The following PATJ variants were observed in gnomAD, a reference collection of about 807,000 sequenced individuals.
The protein encoded by PATJ is inaD-like protein.
In PATJ, 190 loss-of-function variants were observed where a neutral mutation model predicts 224.9. That is an observed-to-expected ratio of 0.84 (90% CI 0.75 to 0.95). PATJ has a LOEUF of 0.95. PATJ is among the 40% of genes least tolerant of loss of function. The pLI is 0.00. For synonymous variants in PATJ, 769 were observed against 820.3 expected, an observed-to-expected ratio of 0.94 and a Z score of 1.07; for missense variants, 2,121 against 2,270.3, an observed-to-expected ratio of 0.93 and a Z score of 1.34.
rs1660069222 is a variant in PATJ, at chr1:62,086,937, G to C, written c.4377+2289G>C. ...CCTGCGACCCCTGAAGCCCCAGAGA[G>C]TGTGTTACAATGCTAACCTCCGTCG... On this transcript the variant is annotated intron_variant, in intron 33 of 43. Coordinates refer to ENST00000642238, the MANE Select transcript of PATJ (RefSeq NM_001350145.3). The surrounding 1 kb of genome is among the most constrained non-coding windows in gnomAD (Gnocchi z 4.0). 6.6e-6 allele frequency among the ~76,000 whole-genome samples: 1 copy of C among 152,176 alleles called. No homozygotes were observed. The highest frequency in any genetic ancestry group is 6.5e-5 in the Admixed American group (1 of 15,276).
intron 29 of PATJ, among the ~76,000 whole-genome samples, chr1:62,028,148 A>G (rs2183996): frequency 0.62 from 93,843 of 152,024 alleles, 29,864 homozygotes; most frequent in African/African-American, 0.77. Flanking sequence ...TTCATTTTGA[A>G]TTTATTTTCA....
Position 61,856,628 on chromosome 1 carries a change from A to T in PATJ, c.2322+389A>T, listed in dbSNP as rs531032627. Reference sequence around the variant, plus strand: ...TTTATAGACAGAGTCTCTCTCTGTCATCCAGGCTGGAGTGCAGTGGCACGA... The same window carrying T: ...TTTATAGACAGAGTCTCTCTCTGTCTTCCAGGCTGGAGTGCAGTGGCACGA... On this transcript the variant is annotated intron_variant, in intron 18 of 43. Coordinates refer to ENST00000642238, the MANE Select transcript of PATJ (RefSeq NM_001350145.3). 2.6e-5 allele frequency among the ~76,000 whole-genome samples: 4 copies of T among 152,318 alleles called. No homozygotes were observed. The East Asian group carries it at 7.7e-4, about 29-fold the overall frequency.
At chr1:61,771,115 C>A (rs748365709) in intron 5 of PATJ, among the ~76,000 whole-genome samples, 48 of 152,024 alleles carry the variant, frequency 3.2e-4, no homozygotes, top group Non-Finnish European at 4.6e-4. Context: ...GGTTTGGGTT[C>A]ATGCAGTAAT....
intron 31 of PATJ, among the ~76,000 whole-genome samples, chr1:62,059,011 GC>G (rs1654988254): frequency 6.6e-6 from 1 of 152,156 alleles, no homozygotes; most frequent in Non-Finnish European, 1.5e-5. Flanking sequence ...ATTCCAAGCT[GC>G]CCTTCAATTA....
Position 61,763,157 on chromosome 1 carries a change from C to G in PATJ, c.167C>G (p.Ser56Cys). 1 of 1,588,454 alleles carries G rather than the reference C, an allele frequency of 6.3e-7. No homozygotes were observed. The highest frequency in any genetic ancestry group is 8.6e-7 in the Non-Finnish European group (1 of 1,168,474). The change falls in exon 3 of 44, where the codon TCC becomes TGC. Residue 56 changes from serine (S) to cysteine (C), a missense_variant. Coordinates refer to ENST00000642238, the MANE Select transcript of PATJ (RefSeq NM_001350145.3). ...LFNQILTLQQ[S>C]IKQLKGQLNH... is the part of the protein sequence containing the mutation. ...AACCAGATACTCACACTTCAGCAGT[C>G]CATCAAGCAACTGAAGGGTCAAGTA...
intron 41 of PATJ, among the ~76,000 whole-genome samples, chr1:62,138,674 C>T (rs1224134243): frequency 6.6e-6 from 1 of 152,064 alleles, no homozygotes; most frequent in African/African-American, 2.4e-5. Context: ...GTTGGAGGGC[C>T]GGGGCACCAG....
At chr1:62,076,299 G>A (rs1050103002) in intron 31 of PATJ, among the ~76,000 whole-genome samples, 3 of 152,084 alleles carry the variant, frequency 2.0e-5, no homozygotes, top group African/African-American at 7.2e-5. Context: ...TTTTGCCTGC[G>A]ATGGGGATCC....
intron 17 of PATJ, among the ~76,000 whole-genome samples, chr1:61,838,157 T>C (rs1660485500): frequency 6.6e-6 from 1 of 152,158 alleles, no homozygotes; most frequent in Admixed American, 6.5e-5. Flanking sequence ...TGGCTATTAT[T>C]TGAACAGAGG....
intron 22 of PATJ, among the ~76,000 whole-genome samples, chr1:61,896,228 G>A (rs993956078): frequency 6.6e-6 from 1 of 151,430 alleles, no homozygotes; most frequent in African/African-American, 2.4e-5. Context: ...ACTGGGAGGT[G>A]GAGGTTGCAA....
At chr1:61,968,943 C>CT (rs1384029981) in intron 27 of PATJ, among the ~76,000 whole-genome samples, 1 of 152,188 alleles carries the variant, frequency 6.6e-6, no homozygotes, top group African/African-American at 2.4e-5. Context: ...AATTTGACTA[C>CT]TTTAGATGTT....
chr1:62,026,806 A>G (rs887666209), intron 29 of PATJ, among the ~76,000 whole-genome samples: 1 of 152,206 alleles, frequency 6.6e-6, no homozygotes, highest in African/African-American at 2.4e-5. Flanking sequence ...TTTTAATTGC[A>G]ATGAAATAAA....
intron 34 of PATJ, among the ~76,000 whole-genome samples, chr1:62,113,847 T>C (rs1351095845): frequency 6.6e-6 from 1 of 152,206 alleles, no homozygotes; most frequent in African/African-American, 2.4e-5. Context: ...ATCCACCCTT[T>C]GTGCACATGT....
chr1:62,052,771 T>A (rs1335825194), intron 31 of PATJ, among the ~76,000 whole-genome samples: 5 of 150,884 alleles, frequency 3.3e-5, no homozygotes, highest in Non-Finnish European at 5.9e-5. Context: ...AAAAGAATAA[T>A]GGCAGTAAAA....
chr1:61,939,472 T>G (rs1677444539), intron 27 of PATJ, among the ~76,000 whole-genome samples: 1 of 151,890 alleles, frequency 6.6e-6, no homozygotes, highest in African/African-American at 2.4e-5. Flanking sequence ...AATATCTGTG[T>G]TCAGCCTCAC....
In PATJ at chr1:62,123,010, C is replaced by T; in HGVS notation, c.5006-11C>T. 6.4e-7 allele frequency: 1 copy of T among 1,555,902 alleles called. No individual in the cohort carries two copies. Among genetic ancestry groups the T allele is most frequent in the Non-Finnish European group, 8.8e-7 (1 of 1,138,466 alleles). ...TAATATTAAAAAGTTAATTGTGTTG[C>T]TTCTTTATAGGCACAGATATGGAAC... On this transcript the variant is annotated splice_polypyrimidine_tract_variant and intron_variant, in intron 38 of 43. Transcript: ENST00000642238.
At chr1:61,744,631 C>T (rs965308606) in intron 1 of PATJ, among the ~76,000 whole-genome samples, 4 of 152,178 alleles carry the variant, frequency 2.6e-5, no homozygotes, top group African/African-American at 7.2e-5. Context: ...AAACTTTTTC[C>T]TCTGCTCTCA....
chr1:61,905,369 C>T (rs1019461966), intron 24 of PATJ, among the ~76,000 whole-genome samples: 1 of 152,210 alleles, frequency 6.6e-6, no homozygotes, highest in African/African-American at 2.4e-5. Context: ...AAGGCCCTAC[C>T]TACCTCCTAA....
intron 9 of PATJ, among the ~76,000 whole-genome samples, chr1:61,793,426 G>T (rs1650314465): frequency 6.6e-6 from 1 of 152,170 alleles, no homozygotes; most frequent in Admixed American, 6.5e-5. Context: ...GAAAATGCTA[G>T]ATGTTTTGGG....
chr1:61,973,077 A>C (rs1251815002), intron 27 of PATJ, among the ~76,000 whole-genome samples: 1 of 152,076 alleles, frequency 6.6e-6, no homozygotes, highest in Non-Finnish European at 1.5e-5. Context: ...AGAAATTTTT[A>C]TTAATAAATA....
Sources: gnomAD v4.1 joint callset for allele counts (sites outside exome capture counted in the v4.1 genomes callset) on GRCh38, gnomAD v4.1.1 for gene constraint, Gnocchi (gnomAD v3.1) non-coding constraint, MANE v1.5 for transcripts, NCBI Gene and HGNC (gene_info 2026-07-23, HGNC 2026-07-21) for gene names.